Variants in TCF7 observed in about 807,000 individuals in gnomAD.
TCF7 encodes the protein T-cell-factor-7.
In TCF7, 19 loss-of-function variants were observed where a neutral mutation model predicts 46.8. That is an observed-to-expected ratio of 0.41 (90% CI 0.28 to 0.60). The LOEUF is 0.60. TCF7 is among the 20% of genes least tolerant of loss of function. TCF7 has a pLI of 0.35. For synonymous variants in TCF7, 245 were observed against 213.4 expected (o/e 1.15, Z -1.29); for missense variants, 547 against 504.6 (o/e 1.08, Z -0.81).
chr5:134,112,290 C>G, upstream of TCF7, among the ~76,000 whole-genome samples: 1 of 152,230 alleles, frequency 6.6e-6, no homozygotes, highest in East Asian at 1.9e-4. Flanking sequence ...TAAATCGGCT[C>G]TAATAACTCT....
rs565462977 is a variant in TCF7 at position 134,132,705 on chromosome 5, GTTTA to G, written c.442-5350_442-5347del. 4.8e-4 allele frequency among the ~76,000 whole-genome samples: 70 copies of G among 145,866 alleles called. 1 individual carries two copies. The highest frequency in any genetic ancestry group is 7.8e-4 in the Non-Finnish European group (52 of 66,740). On this transcript the variant is annotated intron_variant, in intron 3 of 9. Transcript: ENST00000342854. ...GGTCTACAGGGAAAATGCCGACTGT[GTTTA>G]TTTTTCACCTGAGCCTGCAGGAAGT...
At chr5:134,130,265 T>C (rs993805473) in intron 3 of TCF7, among the ~76,000 whole-genome samples, 11 of 152,166 alleles carry the variant, frequency 7.2e-5, no homozygotes, top group Admixed American at 2.6e-4. Flanking sequence ...AGGAAGTCGA[T>C]TGTTGTAGTC....
rs757866191 is a variant in TCF7, at chr5:134,138,078, C to G, written c.461C>G (p.Pro154Arg). The G allele has an allele frequency of 6.8e-6, 11 of 1,606,606 alleles. No individual in the cohort carries two copies. In the African/African-American group the frequency reaches 8.0e-5, roughly 12 times the overall value. The change falls in exon 4 of 10, where the codon CCC becomes CGC. Residue 154 changes from proline (P) to arginine (R), a missense_variant. By Grantham distance (103) the Pro-to-Arg change is moderately radical. Coordinates refer to ENST00000342854, the MANE Select transcript of TCF7 (RefSeq NM_003202.5). Reference protein sequence around the residue: ...QPPLHKANQPPHGVPQLSLYE... With the variant: ...QPPLHKANQPRHGVPQLSLYE... ...TTTCAGCACAAGGCCAATCAGCCCCCCCACGGTGTCCCCCAACTCTCTCTC... is the reference window on the plus strand; with the variant it reads ...TTTCAGCACAAGGCCAATCAGCCCCGCCACGGTGTCCCCCAACTCTCTCTC...
At chr5:134,120,814 C>T (rs183964501) in intron 3 of TCF7, among the ~76,000 whole-genome samples, 10 of 152,378 alleles carry the variant, frequency 6.6e-5, no homozygotes, top group African/African-American at 2.4e-4. Context: ...CTAAGAAAGG[C>T]CGGCTGTTCG....
chr5:134,111,477 A>G (rs1200125344), upstream of TCF7, among the ~76,000 whole-genome samples: 1 of 152,130 alleles, frequency 6.6e-6, no homozygotes. Context: ...CCCAGTGTCT[A>G]TCATCTGTGT....
At chr5:134,146,038 G>T in intron 9 of TCF7, 186 bp from the exon 10 acceptor site, 1 of 1,530,110 alleles carries the variant, frequency 6.5e-7, no homozygotes, top group East Asian at 2.3e-5. Flanking sequence ...TCTGGGAACT[G>T]CACCTGTCCT....
intron 1 of TCF7, 76 bp downstream of exon 1, chr5:134,115,231 G>C: frequency 4.6e-6 from 6 of 1,300,366 alleles, no homozygotes; most frequent in Non-Finnish European, 6.0e-6. Context: ...GGCCCTCGGG[G>C]TCTCCAGCGC....
intron 5 of TCF7, 184 bp from the exon 6 acceptor site, chr5:134,142,001 T>A: frequency 1.4e-6 from 1 of 698,824 alleles, no homozygotes; most frequent in Non-Finnish European, 2.2e-6. Flanking sequence ...GCAGTGTGTC[T>A]GTGTAGTGTG....
At chr5:134,108,957 C>T in the TCF7 span, among the ~76,000 whole-genome samples, 1 of 152,216 alleles carries the variant, frequency 6.6e-6, no homozygotes, top group African/African-American at 2.4e-5. Flanking sequence ...CCCTCCCTAA[C>T]TGCCATGTTG....
chr5:134,139,249 T>C, intron 5 of TCF7: 1 of 683,668 alleles, frequency 1.5e-6, no homozygotes, highest in Non-Finnish European at 2.4e-6. Context: ...GAGCCTGACA[T>C]ACTCCCTTTG....
upstream of TCF7, among the ~76,000 whole-genome samples, chr5:134,113,209 T>TC (rs1486851816): frequency 6.6e-6 from 1 of 151,818 alleles, no homozygotes; most frequent in Non-Finnish European, 1.5e-5. Flanking sequence ...ATGGGCAGGG[T>TC]CCCCCTCATC....
chr5:134,147,044 C>T lies in TCF7; in HGVS notation c.*741C>T, dbSNP rs541640595. On this transcript the variant is annotated 3_prime_UTR_variant, in exon 10 of 10. Transcript: ENST00000342854. ...TCTGTTTATAAAAACAAAAACAAAA[C>T]CAGCTGCTACTCATAAGTTGGACCA... 1 of 158,556 alleles carries T rather than the reference C, an allele frequency of 6.3e-6. No individual in the cohort carries two copies. Among genetic ancestry groups the T allele is most frequent in the African/African-American group, 2.4e-5 (1 of 41,598 alleles). The allele number at this position is 158,556 out of a possible 1,614,324, so 9.8% of individuals were successfully genotyped here.
chr5:134,138,623 AG>A (rs1561686244), intron 4 of TCF7: 2 of 317,648 alleles, frequency 6.3e-6, no homozygotes, highest in African/African-American at 4.2e-5. Flanking sequence ...CCCCTAGACC[AG>A]GGGCCTGCCT....
chr5:134,128,695 G>T (rs1757687912), intron 3 of TCF7, among the ~76,000 whole-genome samples: 1 of 151,642 alleles, frequency 6.6e-6, no homozygotes, highest in African/African-American at 2.4e-5. Flanking sequence ...CTGCCCTTGA[G>T]CCCCTGCCTT....
In TCF7 at chr5:134,115,129, G is replaced by T. The variant is rs1315675782; in HGVS notation, c.223G>T (p.Gly75Cys). 1.4e-5 allele frequency: 14 copies of T among 1,014,440 alleles called. No individual in the cohort carries two copies. The highest frequency in any genetic ancestry group is 1.7e-5 in the African/African-American group (1 of 57,150). The allele number at this position is 1,014,440 out of a possible 1,614,324, so 62.8% of individuals were successfully genotyped here. Residue 75 changes from glycine (G) to cysteine (C), a missense_variant, in exon 1 of 10, where the codon GGC becomes TGC. Gly to Cys is a radical substitution (Grantham distance 159, BLOSUM62 -3). Coordinates refer to ENST00000342854, the MANE Select transcript of TCF7 (RefSeq NM_003202.5). ...GAGIPGVPGA[G>C]AGARGEAEAL... is the part of the protein sequence containing the mutation. ...AGGGATCCCGGGGGTCCCGGGGGCC[G>T]GCGCCGGGGCCCGCGGCGAGGCCGA... is the stretch of plus-strand genomic sequence containing the variant.
intron 2 of TCF7, chr5:134,115,668 G>T (rs998643808): frequency 7.0e-7 from 1 of 1,432,800 alleles, no homozygotes; most frequent in Admixed American, 2.9e-5. Context: ...AGACAGAATT[G>T]GCCAAGGTTT....
chr5:134,142,012 C>A, intron 5 of TCF7, 173 bp from the exon 6 acceptor site: 1 of 829,480 alleles, frequency 1.2e-6, no homozygotes, highest in Non-Finnish European at 1.8e-6. Flanking sequence ...GTGTAGTGTG[C>A]TGGGAGCAGG....
At chr5:134,145,145 G>A (rs1266588804) in intron 9 of TCF7, 1 of 637,096 alleles carries the variant, frequency 1.6e-6, no homozygotes, top group African/African-American at 1.8e-5. Flanking sequence ...ATGCCAGTGG[G>A]CCTAGCAGGT....
intron 3 of TCF7, among the ~76,000 whole-genome samples, chr5:134,121,210 G>C (rs1756526589): frequency 6.6e-6 from 1 of 151,770 alleles, no homozygotes; most frequent in Admixed American, 6.6e-5. Context: ...AGATTGACCT[G>C]AAAGAGACTC....
Sources: allele counts gnomAD v4.1 joint callset (sites outside exome capture counted in the v4.1 genomes callset), GRCh38; gene constraint gnomAD v4.1.1; transcripts MANE v1.5; gene names NCBI Gene and HGNC (gene_info 2026-07-23, HGNC 2026-07-21).